Variants in PRDM5 observed in about 807,000 individuals in gnomAD.
PRDM5 encodes the protein PR/SET domain 5.
PRDM5 carries 56 observed loss-of-function variants against 81.2 expected under a neutral mutation model. The observed-to-expected ratio is 0.69, with a 90% CI of 0.56 to 0.86. The LOEUF (loss-of-function observed/expected upper bound fraction) is 0.86. PRDM5 is among the 40% of genes least tolerant of loss of function. PRDM5 has a pLI of 0.00. For missense variants in PRDM5, 697 were observed against 770.1 expected (o/e 0.91, Z 1.12); for synonymous variants, 267 against 256.4 (o/e 1.04, Z -0.39).
At chr4:120,702,114 T>C (rs1305883791) in intron 15 of PRDM5, among the ~76,000 whole-genome samples, 1 of 152,224 alleles carries the variant, frequency 6.6e-6, no homozygotes, top group African/African-American at 2.4e-5. Flanking sequence ...GACACGCTCA[T>C]ACAAGCCAAA....
At chr4:120,915,632 G>A (rs1724057967) in intron 1 of PRDM5, among the ~76,000 whole-genome samples, 1 of 152,106 alleles carries the variant, frequency 6.6e-6, no homozygotes, top group Non-Finnish European at 1.5e-5. Flanking sequence ...TCCCCAGGAT[G>A]ACCCCAGTAA....
intron 11 of PRDM5, among the ~76,000 whole-genome samples, chr4:120,781,625 T>A (rs1749052050): frequency 6.6e-6 from 1 of 152,176 alleles, no homozygotes; most frequent in South Asian, 2.1e-4. Flanking sequence ...GTAAATAGAC[T>A]CCAGTGACAC....
chr4:120,734,634 C>T (rs865992165), intron 14 of PRDM5, among the ~76,000 whole-genome samples: 3 of 152,190 alleles, frequency 2.0e-5, no homozygotes, highest in Admixed American at 2.0e-4. Context: ...GGCTTCAGTG[C>T]CACCTCCCTG....
chr4:120,760,659 G>T (rs1395828934), intron 13 of PRDM5, among the ~76,000 whole-genome samples: 1 of 151,960 alleles, frequency 6.6e-6, no homozygotes, highest in African/African-American at 2.4e-5. Flanking sequence ...AAGCATGATG[G>T]TAACTATAAA....
At chr4:120,916,804 C>T (rs781745842) in intron 1 of PRDM5, among the ~76,000 whole-genome samples, 46 of 152,308 alleles carry the variant, frequency 3.0e-4, no homozygotes, top group South Asian at 2.5e-3. Context: ...CTGAATCCTT[C>T]CCATTCTTTC....
At chr4:120,761,915 T>G (rs1745673997) in intron 13 of PRDM5, among the ~76,000 whole-genome samples, 1 of 152,212 alleles carries the variant, frequency 6.6e-6, no homozygotes, top group African/African-American at 2.4e-5. Context: ...AAATGCAAAA[T>G]TTTGAAGATG....
intron 8 of PRDM5, among the ~76,000 whole-genome samples, chr4:120,804,824 A>T (rs1203733761): frequency 6.6e-6 from 1 of 152,218 alleles, no homozygotes; most frequent in Non-Finnish European, 1.5e-5. Flanking sequence ...TCCAAAAGCT[A>T]GCAGAAGGCA....
chr4:120,905,151 C>A (rs1324533406), intron 2 of PRDM5, among the ~76,000 whole-genome samples: 3 of 152,128 alleles, frequency 2.0e-5, no homozygotes, highest in Non-Finnish European at 4.4e-5. Context: ...AATAACATTT[C>A]CCACTTAAAT....
intron 13 of PRDM5, chr4:120,762,709 C>G (rs1228063005): frequency 6.6e-6 from 1 of 152,148 alleles, no homozygotes; most frequent in Non-Finnish European, 1.5e-5. Context: ...TTCTTGGCAT[C>G]TTTCTGTAAT....
intron 13 of PRDM5, among the ~76,000 whole-genome samples, chr4:120,765,687 C>A (rs1439188957): frequency 6.6e-6 from 1 of 152,192 alleles, no homozygotes; most frequent in Admixed American, 6.5e-5. Context: ...CCCTGTTTGA[C>A]AGCAAATCCT....
intron 15 of PRDM5, among the ~76,000 whole-genome samples, chr4:120,702,968 T>G (rs1230680917): frequency 6.6e-6 from 1 of 152,126 alleles, no homozygotes; most frequent in Non-Finnish European, 1.5e-5. Flanking sequence ...CCTCTCTTTC[T>G]CTCACTGTGC....
intron 3 of PRDM5, among the ~76,000 whole-genome samples, chr4:120,835,680 G>A (rs979753479): frequency 2.0e-5 from 3 of 152,114 alleles, no homozygotes; most frequent in African/African-American, 7.2e-5. Context: ...CCAGCCATGA[G>A]GAACTGTAAG....
intron 12 of PRDM5, among the ~76,000 whole-genome samples, chr4:120,779,015 A>C (rs908722276): frequency 1.3e-5 from 2 of 152,176 alleles, no homozygotes; most frequent in Non-Finnish European, 2.9e-5. Flanking sequence ...TATTCCAAAC[A>C]GATAATTACT....
intron 10 of PRDM5, among the ~76,000 whole-genome samples, chr4:120,787,182 G>T (rs1455706728): frequency 6.6e-6 from 1 of 152,158 alleles, no homozygotes; most frequent in Non-Finnish European, 1.5e-5. Context: ...CTGAGAAGGT[G>T]ACCTATGAGA....
chr4:120,741,712 T>G (rs1379537799), intron 14 of PRDM5, among the ~76,000 whole-genome samples: 2 of 152,080 alleles, frequency 1.3e-5, no homozygotes, highest in Non-Finnish European at 2.9e-5. Flanking sequence ...ATACTGCGCT[T>G]TTCCGACAGG....
Position 120,821,240 on chromosome 4 carries a change from G to T in PRDM5, c.406C>A (p.Gln136Lys). 6.2e-7 allele frequency: 1 copy of T among 1,613,940 alleles called. No homozygotes were observed. Among genetic ancestry groups the T allele is most frequent in the Non-Finnish European group, 8.5e-7 (1 of 1,179,964 alleles). The change falls in exon 4 of 16, where the codon CAA becomes AAA. Residue 136 changes from glutamine (Q) to lysine (K), a missense_variant. Around this residue, in one of 3 missense-constraint regions of PRDM5, gnomAD observed 577 missense variants for 606.7 expected, o/e 0.95. Transcript: ENST00000264808. ...CCTTCTTTGATGACTGTCATAATTTGCTGTTCTTCCTCCTCAGCCTCCATG... is the reference window on the plus strand; with the variant it reads ...CCTTCTTTGATGACTGTCATAATTTTCTGTTCTTCCTCCTCAGCCTCCATG... ...SDMEAEEEEQ[Q>K]IMTVIKEGEV...
At chr4:120,891,123 T>C (rs1049882144) in intron 2 of PRDM5, among the ~76,000 whole-genome samples, 1 of 152,236 alleles carries the variant, frequency 6.6e-6, no homozygotes. Context: ...CTCTTCTGTA[T>C]ACATCTGGCA....
intron 13 of PRDM5, among the ~76,000 whole-genome samples, chr4:120,768,664 A>C (rs1268907528): frequency 6.6e-6 from 1 of 152,224 alleles, no homozygotes. Flanking sequence ...TCCAGCTCCA[A>C]TAGCACAGAC....
intron 14 of PRDM5, among the ~76,000 whole-genome samples, chr4:120,732,940 T>C (rs770420371): frequency 2.0e-5 from 3 of 152,240 alleles, no homozygotes; most frequent in Non-Finnish European, 4.4e-5. Flanking sequence ...AGGTCACAAA[T>C]AATGAAGACA....
Sources: gnomAD v4.1 joint callset for allele counts (sites outside exome capture counted in the v4.1 genomes callset) on GRCh38, gnomAD v4.1.1 for gene constraint, gnomAD v4.1.1 regional missense constraint, MANE v1.5 for transcripts, NCBI Gene and HGNC (gene_info 2026-07-23, HGNC 2026-07-21) for gene names.